CNTN6: variants seen among roughly 807,000 people sequenced by gnomAD.
CNTN6 encodes the protein contactin-6.
In CNTN6, 137 loss-of-function variants were observed where a neutral mutation model predicts 122.8. The ratio of observed to expected loss-of-function variants is 1.12; its 90% CI spans 0.97 to 1.29. The LOEUF is 1.29. CNTN6 is among the 50% of genes most tolerant of loss of function. CNTN6 has a pLI of 0.00. For missense variants in CNTN6, 1,634 were observed against 1,223.4 expected (o/e 1.34, Z -5.01); for synonymous variants, 570 against 426.0 (o/e 1.34, Z -4.16).
chr3:1,257,925 G>C (rs73109285), intron 4 of CNTN6, among the ~76,000 whole-genome samples: 3,924 of 152,256 alleles, frequency 0.026, 165 homozygotes, highest in African/African-American at 0.089. Flanking sequence ...TCAGCATTAA[G>C]ACCAAATGCA....
At position 1,385,728 on chromosome 3, in the gene CNTN6, G is replaced by C. The variant is rs180685101; in HGVS notation, c.2635G>C (p.Val879Leu). Residue 879 changes from valine (V) to leucine (L), a missense_variant, in exon 20 of 23, where the codon GTA becomes CTA. Physicochemically the swap from Val to Leu is conservative, Grantham distance 32. Coordinates refer to ENST00000446702, the MANE Select transcript of CNTN6 (RefSeq NM_001289080.2). ...AGCTAATACCATCTACTTTGCTTCC[G>C]TAAGAGCTTACAACACTGCTGGGAC... ...LKANTIYFAS[V>L]RAYNTAGTGP... The C allele has an allele frequency of 1.7e-5, 27 of 1,613,934 alleles. No homozygotes were observed. Among genetic ancestry groups the C allele is most frequent in the East Asian group, 1.3e-4 (6 of 44,888 alleles).
intron 20 of CNTN6, among the ~76,000 whole-genome samples, chr3:1,387,901 G>C (rs933497454): frequency 6.6e-6 from 1 of 152,130 alleles, no homozygotes; most frequent in African/African-American, 2.4e-5. Flanking sequence ...CACCCGGCTC[G>C]GAGGGTCCTA....
rs534380811 is a variant in CNTN6, at chr3:1,243,585, C to T, written c.358+15592C>T. On this transcript the variant is annotated intron_variant, in intron 4 of 22. Transcript: ENST00000446702. ...CTGTAAAGTGGCTCAGGGTTGCTGC[C>T]GAGCGAGCCATGAACTGGGCTGGAT... is the stretch of plus-strand genomic sequence containing the variant. Among the ~76,000 whole-genome samples, 18 of 151,672 alleles carry T rather than the reference C, an allele frequency of 1.2e-4. No homozygotes were observed. In the East Asian group the frequency reaches 3.1e-3, roughly 26 times the overall value.
chr3:1,280,639 A>G (rs550599085), intron 5 of CNTN6, among the ~76,000 whole-genome samples: 1 of 151,518 alleles, frequency 6.6e-6, no homozygotes, highest in East Asian at 1.9e-4. Context: ...TAATTTCTGT[A>G]TTTTTAGTAG....
intron 6 of CNTN6, among the ~76,000 whole-genome samples, chr3:1,297,136 TTAAG>T (rs1213587880): frequency 6.6e-6 from 1 of 152,126 alleles, no homozygotes; most frequent in African/African-American, 2.4e-5. Flanking sequence ...GTCTTAAAAA[TTAAG>T]TATTTTTATT....
At chr3:1,390,567 C>G (rs1246372052) in intron 20 of CNTN6, among the ~76,000 whole-genome samples, 2 of 152,088 alleles carry the variant, frequency 1.3e-5, no homozygotes, top group East Asian at 1.9e-4. Flanking sequence ...AATCAGAGCA[C>G]AACTGAAGGA....
chr3:1,352,583 T>A, intron 12 of CNTN6, 132 bp downstream of exon 12: 1 of 1,037,382 alleles, frequency 9.6e-7, no homozygotes, highest in South Asian at 1.6e-5. Flanking sequence ...ATCTAAGAGA[T>A]CCATTCCCGT....
intron 7 of CNTN6, among the ~76,000 whole-genome samples, chr3:1,310,344 T>TC (rs1234951118): frequency 6.6e-6 from 1 of 152,164 alleles, no homozygotes; most frequent in African/African-American, 2.4e-5. Context: ...GTTGCATTTT[T>TC]CCAAATGCTT....
chr3:1,372,322 C>T lies in CNTN6; in HGVS notation c.1516C>T (p.Pro506Ser). 1 of 1,609,074 alleles carries T rather than the reference C, an allele frequency of 6.2e-7. No homozygotes were observed. Among genetic ancestry groups the T allele is most frequent in the South Asian group, 1.1e-5 (1 of 90,322 alleles). The change falls in exon 13 of 23, where the codon CCT becomes TCT. Residue 506 changes from proline (P) to serine (S), a missense_variant. By Grantham distance (74) the Pro-to-Ser change is moderately conservative (BLOSUM62 -1). Transcript: ENST00000446702. ...AGAGAGAACTGTCATTACCGTCCCA[C>T]CTTCCAAAATGGATGTTACAGTTGG... ...VKERTVITVP[P>S]SKMDVTVGES...
At chr3:1,186,551 T>G (rs2093630361) in intron 2 of CNTN6, among the ~76,000 whole-genome samples, 1 of 152,190 alleles carries the variant, frequency 6.6e-6, no homozygotes, top group African/African-American at 2.4e-5. Context: ...CACTTAGGTG[T>G]TTTTCTTTCG....
chr3:1,376,509 G>A (rs377236682), intron 16 of CNTN6, among the ~76,000 whole-genome samples: 18 of 152,056 alleles, frequency 1.2e-4, no homozygotes, highest in Admixed American at 7.9e-4. Flanking sequence ...AGATTGTAAC[G>A]AGGAGTTTTA....
At position 1,241,340 on chromosome 3, in the gene CNTN6, T is replaced by A. The variant is rs1421729801; in HGVS notation, c.358+13347T>A. 1.2e-4 allele frequency among the ~76,000 whole-genome samples: 18 copies of A among 151,902 alleles called. No homozygotes were observed. The East Asian group carries it at 3.5e-3, about 29-fold the overall frequency. ...TGGTATGGAGAGAGAACGGGCGATG[T>A]TTCTCAGGGCTGCTTCAAGCGGGAT... On this transcript the variant is annotated intron_variant, in intron 4 of 22. Coordinates refer to ENST00000446702, the MANE Select transcript of CNTN6 (RefSeq NM_001289080.2).
chr3:1,247,680 G>A (rs573688148), intron 4 of CNTN6, among the ~76,000 whole-genome samples: 14 of 152,230 alleles, frequency 9.2e-5, no homozygotes, highest in African/African-American at 2.6e-4. Flanking sequence ...TAAAAAGCCC[G>A]AGGGAAGCTT....
At chr3:1,121,873 T>C (rs930364944) in intron 1 of CNTN6, among the ~76,000 whole-genome samples, 8 of 151,942 alleles carry the variant, frequency 5.3e-5, no homozygotes, top group Admixed American at 2.0e-4. Flanking sequence ...TTTCCTTCTT[T>C]GTATAATTTA....
At chr3:1,316,129 ATTATC>A (rs1281067952) in intron 7 of CNTN6, among the ~76,000 whole-genome samples, 34 of 152,124 alleles carry the variant, frequency 2.2e-4, no homozygotes, top group African/African-American at 7.7e-4. Flanking sequence ...TGTGACATGA[ATTATC>A]TTAATCCTCA....
chr3:1,396,770 C>A (rs1441273556), intron 20 of CNTN6, among the ~76,000 whole-genome samples: 1 of 152,140 alleles, frequency 6.6e-6, no homozygotes. Flanking sequence ...GAAGGACATC[C>A]AAAGCATGCA....
At chr3:1,303,629 A>G (rs1697816042) in intron 7 of CNTN6, among the ~76,000 whole-genome samples, 1 of 152,014 alleles carries the variant, frequency 6.6e-6, no homozygotes, top group Non-Finnish European at 1.5e-5. Context: ...TGCTAATTCT[A>G]TCATCTCAGT....
intron 4 of CNTN6, among the ~76,000 whole-genome samples, chr3:1,236,672 G>C (rs1288571887): frequency 6.6e-6 from 1 of 152,074 alleles, no homozygotes; most frequent in Non-Finnish European, 1.5e-5. Flanking sequence ...ACAAAATAAG[G>C]TTCTTCAACT....
chr3:1,100,420 C>A (rs542043122), intron 1 of CNTN6, among the ~76,000 whole-genome samples: 1 of 152,022 alleles, frequency 6.6e-6, no homozygotes, highest in Non-Finnish European at 1.5e-5. Context: ...TCTTTTCACT[C>A]GGACAGATTT....
Sources: gnomAD v4.1 joint callset for allele counts (sites outside exome capture counted in the v4.1 genomes callset) on GRCh38, gnomAD v4.1.1 for gene constraint, MANE v1.5 for transcripts, NCBI Gene and HGNC (gene_info 2026-07-23, HGNC 2026-07-21) for gene names.